Variants in KCNQ5 observed in about 807,000 individuals in gnomAD.
KCNQ5 encodes the protein potassium voltage-gated channel subfamily Q member 5, also known as potassium voltage-gated channel subfamily KQT member 5.
A neutral mutation model predicts 98.2 loss-of-function variants in KCNQ5; 30 were observed. That is an observed-to-expected ratio of 0.31 (90% CI 0.23 to 0.41). KCNQ5 has a LOEUF of 0.41. Ranked by LOEUF, KCNQ5 falls within the 10% of genes least tolerant of loss-of-function variation. The pLI is 1.00. For synonymous variants in KCNQ5, 458 were observed against 449.4 expected, an observed-to-expected ratio of 1.02 and a Z score of -0.24; for missense variants, 835 against 1,182.5, an observed-to-expected ratio of 0.71 and a Z score of 4.31.
At chr6:73,075,936 T>C (rs1260421710) in intron 3 of KCNQ5, among the ~76,000 whole-genome samples, 1 of 152,100 alleles carries the variant, frequency 6.6e-6, no homozygotes, top group Non-Finnish European at 1.5e-5. Context: ...TCCTAGCTCC[T>C]TGGGAGGCTG....
At chr6:72,731,070 C>T (rs936306180) in intron 1 of KCNQ5, among the ~76,000 whole-genome samples, 1 of 152,140 alleles carries the variant, frequency 6.6e-6, no homozygotes, top group African/African-American at 2.4e-5. Context: ...ATATGTGATA[C>T]TAAAAAGGAA....
chr6:72,999,799 A>G (rs938142366), intron 1 of KCNQ5, among the ~76,000 whole-genome samples: 1 of 152,210 alleles, frequency 6.6e-6, no homozygotes, highest in Non-Finnish European at 1.5e-5. Flanking sequence ...TAGCTACATA[A>G]TCTTGAAATG....
chr6:72,897,657 A>G (rs746701315), intron 1 of KCNQ5, among the ~76,000 whole-genome samples: 8 of 152,204 alleles, frequency 5.3e-5, no homozygotes, highest in Non-Finnish European at 7.3e-5. Flanking sequence ...ACGAACAAAC[A>G]AAAATAGAAC....
At chr6:73,103,584 T>C (rs756543283) in intron 5 of KCNQ5, among the ~76,000 whole-genome samples, 1 of 151,966 alleles carries the variant, frequency 6.6e-6, no homozygotes, top group Non-Finnish European at 1.5e-5. Flanking sequence ...TGTATACATA[T>C]ATAACAAACC....
At chr6:72,910,369 G>A (rs1416121280) in intron 1 of KCNQ5, among the ~76,000 whole-genome samples, 1 of 152,012 alleles carries the variant, frequency 6.6e-6, no homozygotes, top group Non-Finnish European at 1.5e-5. Flanking sequence ...ACACAGTGAG[G>A]GGTAGAAAAG....
chr6:72,847,968 C>A (rs1476717572), intron 1 of KCNQ5, among the ~76,000 whole-genome samples: 1 of 151,806 alleles, frequency 6.6e-6, no homozygotes, highest in East Asian at 1.9e-4. Context: ...CCATGAATAT[C>A]TGAAGAGACC....
chr6:72,672,960 A>C (rs1316042218), intron 1 of KCNQ5, among the ~76,000 whole-genome samples: 1 of 152,216 alleles, frequency 6.6e-6, no homozygotes, highest in Non-Finnish European at 1.5e-5. Flanking sequence ...GTCTTAAAGC[A>C]CTTGAAAACT....
intron 11 of KCNQ5, among the ~76,000 whole-genome samples, chr6:73,173,157 T>C (rs1482778941): frequency 6.6e-6 from 1 of 152,346 alleles, no homozygotes; most frequent in African/African-American, 2.4e-5. Flanking sequence ...CTTAGTTTTG[T>C]ATATTTCTTC....
chr6:72,669,112 CTCTAAAG>C (rs1766970225), intron 1 of KCNQ5, among the ~76,000 whole-genome samples: 1 of 152,214 alleles, frequency 6.6e-6, no homozygotes, highest in East Asian at 1.9e-4. Context: ...CAAGCATCAA[CTCTAAAG>C]TCTAAATTCT....
At chr6:72,924,021 T>A (rs1780517903) in intron 1 of KCNQ5, among the ~76,000 whole-genome samples, 1 of 152,230 alleles carries the variant, frequency 6.6e-6, no homozygotes, top group South Asian at 2.1e-4. Flanking sequence ...GTTTACTAAA[T>A]GAGAACATTT....
intron 1 of KCNQ5, among the ~76,000 whole-genome samples, chr6:72,832,782 C>G (rs966529340): frequency 3.3e-5 from 5 of 152,128 alleles, no homozygotes; most frequent in African/African-American, 1.2e-4. Context: ...CAAGCAAACA[C>G]TCATCTTATT....
At chr6:73,050,809 A>G (rs527790498) in intron 3 of KCNQ5, among the ~76,000 whole-genome samples, 29 of 152,296 alleles carry the variant, frequency 1.9e-4, no homozygotes, top group African/African-American at 6.3e-4. Context: ...TGTCATTTTT[A>G]TAATGTTATA....
At chr6:73,036,764 CT>C (rs1173369036) in intron 2 of KCNQ5, among the ~76,000 whole-genome samples, 1 of 152,132 alleles carries the variant, frequency 6.6e-6, no homozygotes. Flanking sequence ...GACATCTGGG[CT>C]GTTTTTGGGG....
chr6:73,018,423 G>C (rs868437587), intron 2 of KCNQ5, among the ~76,000 whole-genome samples: 3 of 152,046 alleles, frequency 2.0e-5, no homozygotes, highest in Admixed American at 1.3e-4. Flanking sequence ...AGACCTCTAG[G>C]ATAGAGGTCG....
intron 2 of KCNQ5, among the ~76,000 whole-genome samples, chr6:73,025,623 C>CAAAAA (rs58607159): frequency 3.8e-5 from 2 of 53,004 alleles, no homozygotes; most frequent in African/African-American, 8.3e-5. Flanking sequence ...AACTCCATCT[C>CAAAAA]AAAAAAAAAA....
intron 1 of KCNQ5, among the ~76,000 whole-genome samples, chr6:72,994,855 A>G (rs1769210941): frequency 6.6e-6 from 1 of 152,216 alleles, no homozygotes; most frequent in African/African-American, 2.4e-5. Context: ...AACTTTCATT[A>G]ATAGTTTCTC....
intron 1 of KCNQ5, among the ~76,000 whole-genome samples, chr6:72,680,846 G>T (rs1767668060): frequency 6.6e-6 from 1 of 152,186 alleles, no homozygotes; most frequent in Non-Finnish European, 1.5e-5. Context: ...CATTGGCTTT[G>T]TTGGATTAGT....
intron 1 of KCNQ5, among the ~76,000 whole-genome samples, chr6:72,841,501 A>T (rs73756536): frequency 0.027 from 4,150 of 152,174 alleles, 115 homozygotes; most frequent in African/African-American, 0.069. Flanking sequence ...AAATAAATTT[A>T]AAAAAATGCT....
intron 10 of KCNQ5, among the ~76,000 whole-genome samples, chr6:73,138,604 A>G (rs1226000998): frequency 6.6e-6 from 1 of 152,232 alleles, no homozygotes; most frequent in African/African-American, 2.4e-5. Flanking sequence ...TGCATGTTTT[A>G]ACAAGTCTAA....
Sources: gnomAD v4.1 joint callset for allele counts (sites outside exome capture counted in the v4.1 genomes callset) on GRCh38, gnomAD v4.1.1 for gene constraint, MANE v1.5 for transcripts, NCBI Gene and HGNC (gene_info 2026-07-23, HGNC 2026-07-21) for gene names.